KCNIP4: variants seen among roughly 807,000 people sequenced by gnomAD.
The protein encoded by KCNIP4 is potassium voltage-gated channel interacting protein 4.
Under a neutral mutation model 34.0 loss-of-function variants are expected in KCNIP4, and 12 were observed. The observed-to-expected ratio is 0.35, with a 90% CI of 0.23 to 0.57. KCNIP4 has a LOEUF of 0.57. Ranked by LOEUF, KCNIP4 falls within the 20% of genes least tolerant of loss-of-function variation. The pLI, the probability that KCNIP4 is intolerant of heterozygous loss-of-function variation, is 0.83. For synonymous variants in KCNIP4, 124 were observed against 102.2 expected, an observed-to-expected ratio of 1.21 and a Z score of -1.29; for missense variants, 238 against 311.7, an observed-to-expected ratio of 0.76 and a Z score of 1.78.
At chr4:21,485,172 T>G (rs536591682) in intron 1 of KCNIP4, among the ~76,000 whole-genome samples, 13 of 152,280 alleles carry the variant, frequency 8.5e-5, no homozygotes, top group Admixed American at 3.3e-4. Context: ...TATTAAACAT[T>G]ATAGATAAAT....
chr4:21,370,424 T>C lies in KCNIP4; in HGVS notation c.62-487715A>G, dbSNP rs149707112. Among the ~76,000 whole-genome samples the C allele has an allele frequency of 7.5e-3, 1,096 of 146,628 alleles. 24 individuals carry two copies. Among genetic ancestry groups the C allele is most frequent in the Non-Finnish European group, 0.011 (765 of 68,008 alleles). ...AAAATTCCTGCCAACGTGGACCTTA[T>C]TATCCATTCTCTGGGAGGGAGACAC... On this transcript the variant is annotated intron_variant, in intron 1 of 8. Coordinates refer to ENST00000382152, the MANE Select transcript of KCNIP4 (RefSeq NM_025221.6).
chr4:21,680,195 C>G (rs1750234599), intron 1 of KCNIP4, among the ~76,000 whole-genome samples: 1 of 152,196 alleles, frequency 6.6e-6, no homozygotes, highest in African/African-American at 2.4e-5. Context: ...TGTTGTCATT[C>G]CAGCATTGTT....
At chr4:20,981,914 A>G (rs913670582) in intron 1 of KCNIP4, among the ~76,000 whole-genome samples, 2 of 152,198 alleles carry the variant, frequency 1.3e-5, no homozygotes, top group African/African-American at 4.8e-5. Context: ...TGATTTAGAT[A>G]TCTCTCCCAA....
chr4:21,854,525 T>A (rs578110188), intron 1 of KCNIP4, among the ~76,000 whole-genome samples: 1 of 152,280 alleles, frequency 6.6e-6, no homozygotes, highest in East Asian at 1.9e-4. Context: ...TTCCCCCCAG[T>A]GTACAGGTGA....
intron 1 of KCNIP4, among the ~76,000 whole-genome samples, chr4:21,269,237 A>C (rs1288631502): frequency 1.3e-5 from 2 of 152,212 alleles, no homozygotes; most frequent in Non-Finnish European, 2.9e-5. Context: ...GAAGAGACAG[A>C]GAAGATGTAT....
intron 1 of KCNIP4, among the ~76,000 whole-genome samples, chr4:21,901,995 A>G (rs1291884914): frequency 6.6e-6 from 1 of 152,172 alleles, no homozygotes; most frequent in Non-Finnish European, 1.5e-5. Flanking sequence ...TCACAATTAC[A>G]AAGAGGATTT....
intron 1 of KCNIP4, among the ~76,000 whole-genome samples, chr4:20,884,768 C>T (rs992375503): frequency 1.0e-4 from 15 of 147,208 alleles, no homozygotes; most frequent in Middle Eastern, 3.7e-3. Flanking sequence ...AGTGCAGTGG[C>T]GCGATCTCAG....
At chr4:21,681,595 C>A (rs1359687995) in intron 1 of KCNIP4, among the ~76,000 whole-genome samples, 1 of 152,218 alleles carries the variant, frequency 6.6e-6, no homozygotes, top group African/African-American at 2.4e-5. Flanking sequence ...CTTTCTTCTG[C>A]AGCTTCCCTA....
intron 1 of KCNIP4, among the ~76,000 whole-genome samples, chr4:21,094,036 C>T (rs1747249120): frequency 6.6e-6 from 1 of 151,720 alleles, no homozygotes; most frequent in East Asian, 1.9e-4. Flanking sequence ...GAGCCAAGAT[C>T]ACGCCACTGT....
intron 3 of KCNIP4, among the ~76,000 whole-genome samples, chr4:20,769,049 G>A (rs1459491065): frequency 6.9e-6 from 1 of 144,048 alleles, no homozygotes; most frequent in Non-Finnish European, 1.5e-5. Flanking sequence ...TATGGAAGAA[G>A]GAAATCACAT....
intron 1 of KCNIP4, among the ~76,000 whole-genome samples, chr4:20,986,356 A>T (rs1736578298): frequency 6.6e-6 from 1 of 152,172 alleles, no homozygotes; most frequent in Non-Finnish European, 1.5e-5. Flanking sequence ...ATCCATCCAA[A>T]CATTTTCTTC....
intron 1 of KCNIP4, among the ~76,000 whole-genome samples, chr4:21,236,107 C>T (rs541299618): frequency 1.3e-5 from 2 of 152,000 alleles, no homozygotes; most frequent in Admixed American, 1.3e-4. Flanking sequence ...CCAGCCTAGG[C>T]AACATGGTAA....
chr4:21,896,559 T>C (rs1442304345), intron 1 of KCNIP4, among the ~76,000 whole-genome samples: 1 of 152,258 alleles, frequency 6.6e-6, no homozygotes, highest in East Asian at 1.9e-4. Flanking sequence ...GAGGCTATCA[T>C]GAAAGGCCTC....
chr4:21,046,467 C>T (rs908962056), intron 1 of KCNIP4, among the ~76,000 whole-genome samples: 1 of 151,836 alleles, frequency 6.6e-6, no homozygotes, highest in African/African-American at 2.4e-5. Context: ...GTTTCAAAGT[C>T]AGAGTGATAA....
intron 1 of KCNIP4, among the ~76,000 whole-genome samples, chr4:21,931,070 T>A (rs779061031): frequency 5.9e-5 from 9 of 152,140 alleles, no homozygotes; most frequent in Non-Finnish European, 8.8e-5. Context: ...GATGTTTAAA[T>A]CATCAGTAAG....
chr4:20,936,403 TTAAAAGA>T (rs1409778926), intron 1 of KCNIP4, among the ~76,000 whole-genome samples: 1 of 98,420 alleles, frequency 1.0e-5, no homozygotes, highest in East Asian at 3.2e-4. Flanking sequence ...GGTACTAAGA[TTAAAAGA>T]TATGTTTTTT....
At chr4:21,686,329 T>G (rs6822652) in intron 1 of KCNIP4, among the ~76,000 whole-genome samples, 38,876 of 151,914 alleles carry the variant, frequency 0.26, 6,132 homozygotes, top group African/African-American at 0.45. Context: ...ATATGTTTTT[T>G]TGTGTGTGTA....
intron 1 of KCNIP4, among the ~76,000 whole-genome samples, chr4:21,457,331 T>C (rs1260232216): frequency 6.6e-6 from 1 of 152,042 alleles, no homozygotes; most frequent in Non-Finnish European, 1.5e-5. Context: ...TCTCTTTACC[T>C]TCCTGCCAGG....
intron 1 of KCNIP4, among the ~76,000 whole-genome samples, chr4:21,781,907 T>C (rs566070555): frequency 9.9e-5 from 15 of 152,150 alleles, no homozygotes; most frequent in Admixed American, 4.6e-4. Context: ...AATGCATATA[T>C]AGTTTAATAG....
Sources: gnomAD v4.1 joint callset for allele counts (sites outside exome capture counted in the v4.1 genomes callset) on GRCh38, gnomAD v4.1.1 for gene constraint, MANE v1.5 for transcripts, NCBI Gene and HGNC (gene_info 2026-07-23, HGNC 2026-07-21) for gene names.